The following RYR1 variants were observed in gnomAD, a reference collection of about 807,000 sequenced individuals.
The protein encoded by RYR1 is central core disease of muscle.
A neutral mutation model predicts 583.5 loss-of-function variants in RYR1; 342 were observed. The ratio of observed to expected loss-of-function variants is 0.59; its 90% CI spans 0.54 to 0.64. The LOEUF is 0.64. Ranked by LOEUF, RYR1 falls within the 30% of genes least tolerant of loss-of-function variation. The pLI is 0.00. For missense variants in RYR1, 6,032 were observed against 6,917.2 expected (o/e 0.87, Z 4.54); for synonymous variants, 2,791 against 2,822.5 (o/e 0.99, Z 0.35).
At position 38,502,861 on chromosome 19, in the gene RYR1, C is replaced by G. The variant is rs201378267; in HGVS notation, c.7836-19C>G. ...CGGGCCTGGACGGGGGATTCTACATCTTGTGCATTGTCCCGCAGGTACATC... is the reference window on the plus strand; with the variant it reads ...CGGGCCTGGACGGGGGATTCTACATGTTGTGCATTGTCCCGCAGGTACATC... On this transcript the variant is annotated intron_variant, in intron 48 of 105. Coordinates refer to ENST00000359596, the MANE Select transcript of RYR1 (RefSeq NM_000540.3). 3 of 1,607,524 alleles carry G rather than the reference C, an allele frequency of 1.9e-6. No homozygotes were observed. The highest frequency in any genetic ancestry group is 1.7e-5 in the Admixed American group (1 of 59,872).
In RYR1 at chr19:38,457,528, G is replaced by C. The variant is rs772590190; in HGVS notation, c.1823G>C (p.Cys608Ser). The change falls in exon 17 of 106, where the codon TGT becomes TCT. Residue 608 changes from cysteine to serine, a missense_variant. By Grantham distance (112) the Cys-to-Ser change is moderately radical. Transcript: ENST00000359596. ...VLDVLCSLCVCNGVAVRSNQD... is the reference protein window; with the variant it reads ...VLDVLCSLCVSNGVAVRSNQD... ...GACGTGCTATGCTCCCTGTGTGTGT[G>C]TAATGGTGTGGCTGTACGCTCCAAC... is the stretch of plus-strand genomic sequence containing the variant. 1.4e-5 allele frequency: 23 copies of C among 1,614,092 alleles called. No individual in the cohort carries two copies. In the South Asian group the frequency reaches 2.5e-4, roughly 18 times the overall value.
Position 38,440,747 on chromosome 19 carries a change from C to T in RYR1, c.48C>T (p.Asp16=), listed in dbSNP as rs750329137. 1.0e-5 allele frequency: 16 copies of T among 1,606,842 alleles called. No homozygotes were observed. Among genetic ancestry groups the T allele is most frequent in the Non-Finnish European group, 1.1e-5 (13 of 1,176,712 alleles). The part of the protein sequence containing the change: ...GEDEVQFLRT[D]DEVVLQCSAT... The stretch of plus-strand genomic sequence containing the variant: ...GACGCTGCCCCTCGGTTCCGCAGGA[C>T]GATGAGGTGGTCCTGCAGTGCAGCG... Residue 16 remains aspartate, a splice_region_variant and synonymous_variant, in exon 2 of 106, where the codon GAC becomes GAT. Coordinates refer to ENST00000359596, the MANE Select transcript of RYR1 (RefSeq NM_000540.3).
intron 25 of RYR1, among the ~76,000 whole-genome samples, chr19:38,468,044 TCCATCATCCATCCATCCATC>T (rs781621078): frequency 5.0e-5 from 7 of 139,836 alleles, no homozygotes; most frequent in African/African-American, 8.1e-5. Flanking sequence ...CATCCATCCA[TCCATCATCCATCCATCCATC>T]CATCCATCCA....
chr19:38,581,361 G>T (rs1974200486), intron 101 of RYR1, among the ~76,000 whole-genome samples: 1 of 152,138 alleles, frequency 6.6e-6, no homozygotes, highest in Non-Finnish European at 1.5e-5. Flanking sequence ...ACAGGCATGA[G>T]CCACTGCGCC....
intron 87 of RYR1, among the ~76,000 whole-genome samples, chr19:38,544,437 C>T (rs1972339191): frequency 6.6e-6 from 1 of 152,200 alleles, no homozygotes; most frequent in Admixed American, 6.5e-5. Context: ...TGTCTGGTAA[C>T]TATATTCAAG....
intron 33 of RYR1, among the ~76,000 whole-genome samples, chr19:38,484,489 T>A (rs1969183532): frequency 7.1e-6 from 1 of 141,486 alleles, no homozygotes; most frequent in Admixed American, 7.0e-5. Context: ...TATTCATTCA[T>A]CCATTCAACA....
rs773883038 is a variant in RYR1 at position 38,530,987 on chromosome 19, C to CTCTTT, written c.11142-1502_11142-1501insCTTTT. The stretch of plus-strand genomic sequence containing the variant: ...CCAGCTATTTTTCTTTTTTCTTTCT[C>CTCTTT]TTTTTTTTTTTTTTTTTTGTATTTT... On this transcript the variant is annotated intron_variant, in intron 76 of 105. Coordinates refer to ENST00000359596, the MANE Select transcript of RYR1 (RefSeq NM_000540.3). 8.5e-5 allele frequency among the ~76,000 whole-genome samples: 11 copies of CTCTTT among 129,368 alleles called. No homozygotes were observed. The South Asian group carries it at 9.9e-4, about 12-fold the overall frequency. The allele number at this position is 129,368 out of a possible 152,430, so 84.9% of individuals were successfully genotyped here. A position where few individuals can be genotyped will look rare whatever the true frequency, so the allele number is the denominator to read the frequency against.
Position 38,473,569 on chromosome 19 carries a change from G to A in RYR1, c.3958G>A (p.Asp1320Asn), listed in dbSNP as rs1408712596. 3 of 1,599,648 alleles carry A rather than the reference G, an allele frequency of 1.9e-6. No homozygotes were observed. The highest frequency in any genetic ancestry group is 2.3e-5 in the East Asian group (1 of 44,240). Residue 1320 changes from aspartate to asparagine, a missense_variant, in exon 28 of 106, where the codon GAC becomes AAC. Transcript: ENST00000359596. ...APPGLQPPAE[D>N]EARAAEPDPD... ...TCCTGGCCTGCAGCCCCCCGCCGAG[G>A]ACGAGGCCCGGGCGGCGGAACCCGA...
Position 38,505,385 on chromosome 19 carries a change from C to A in RYR1, c.8387C>A (p.Thr2796Asn). The A allele has an allele frequency of 6.2e-7, 1 of 1,609,552 alleles. No homozygotes were observed. Among genetic ancestry groups the A allele is most frequent in the Non-Finnish European group, 8.5e-7 (1 of 1,177,430 alleles). The stretch of plus-strand genomic sequence containing the variant: ...CACCCCATGCTGAGGCCCTACAAGA[C>A]CTTTTCAGAGAAGGTGACCAGGCCT... ...KTHPMLRPYK[T>N]FSEKDKEIYR... Residue 2796 changes from threonine to asparagine, a missense_variant, in exon 53 of 106, where the codon ACC becomes AAC. By Grantham distance (65) the Thr-to-Asn change is moderately conservative (BLOSUM62 0). Transcript: ENST00000359596.
At chr19:38,466,968 G>A (rs985147666) in intron 24 of RYR1, among the ~76,000 whole-genome samples, 12 of 152,104 alleles carry the variant, frequency 7.9e-5, no homozygotes, top group African/African-American at 1.4e-4. Flanking sequence ...AACCAGAGCC[G>A]TCAGCCTAGG....
chr19:38,532,360 T>G, intron 76 of RYR1, 130 bp from the exon 77 acceptor site: 1 of 879,050 alleles, frequency 1.1e-6, no homozygotes, highest in Admixed American at 2.0e-5. Flanking sequence ...TGATCTCAAG[T>G]GATCTGCCTG....
chr19:38,469,249 C>T lies in RYR1; in HGVS notation c.3557-56C>T, dbSNP rs565637649. 12 of 1,607,146 alleles carry T rather than the reference C, an allele frequency of 7.5e-6. No homozygotes were observed. In the South Asian group the frequency reaches 1.3e-4, roughly 18 times the overall value. ...TCCCATCCCTACCTCCTCCCCTCGG[C>T]TCCCTCTGCCCTGCCCACCTGCCCT... On this transcript the variant is annotated intron_variant, in intron 26 of 105. Coordinates refer to ENST00000359596, the MANE Select transcript of RYR1 (RefSeq NM_000540.3).
In RYR1 at chr19:38,502,733, G is replaced by A; in HGVS notation, c.7835+6G>A. On this transcript the variant is annotated splice_donor_region_variant and intron_variant, in intron 48 of 105. Transcript: ENST00000359596. Reference sequence around the variant, plus strand: ...TGCCTCATGTCGCTCTGCAGGTGGAGCGGGGCAGGCTTCAGGGTGGGGCAG... The same window carrying A: ...TGCCTCATGTCGCTCTGCAGGTGGAACGGGGCAGGCTTCAGGGTGGGGCAG... The A allele has an allele frequency of 1.9e-6, 3 of 1,571,146 alleles. No individual in the cohort carries two copies. The highest frequency in any genetic ancestry group is 1.4e-5 in the African/African-American group (1 of 69,952).
chr19:38,550,606 G>A (rs1972623357), intron 89 of RYR1, among the ~76,000 whole-genome samples: 1 of 151,964 alleles, frequency 6.6e-6, no homozygotes, highest in African/African-American at 2.4e-5. Context: ...GACCCCCTGG[G>A]CTCAGGCGAT....
chr19:38,473,364 C>T lies in RYR1; in HGVS notation c.3766-13C>T, dbSNP rs1200456183. ...GCCTGCCCAGCCCAGTACTCCATTC[C>T]CTGCCACCTCAGGTATCCCGAGTGG... On this transcript the variant is annotated splice_polypyrimidine_tract_variant and intron_variant, in intron 27 of 105. Transcript: ENST00000359596. 10 of 1,613,610 alleles carry T rather than the reference C, an allele frequency of 6.2e-6. No individual in the cohort carries two copies. The highest frequency in any genetic ancestry group is 1.3e-5 in the African/African-American group (1 of 74,890).
intron 47 of RYR1, 47 bp downstream of exon 47, chr19:38,501,037 G>A (rs368417105): frequency 2.5e-6 from 4 of 1,596,506 alleles, no homozygotes; most frequent in South Asian, 1.1e-5. Flanking sequence ...TTCCACAGAG[G>A]GACAGGAGAT....
intron 29 of RYR1, among the ~76,000 whole-genome samples, chr19:38,477,507 A>G (rs529508689): frequency 4.2e-4 from 64 of 152,286 alleles, no homozygotes; most frequent in Non-Finnish European, 5.3e-4. Flanking sequence ...CTGTCACACA[A>G]TATTCCCAAG....
At chr19:38,450,626 T>C (rs1967024052) in intron 11 of RYR1, among the ~76,000 whole-genome samples, 1 of 152,090 alleles carries the variant, frequency 6.6e-6, no homozygotes, top group Non-Finnish European at 1.5e-5. Context: ...CTGATTTACC[T>C]AGGGTGCAAA....
Position 38,440,940 on chromosome 19 carries a change from G to A in RYR1, c.165+76G>A, listed in dbSNP as rs986549699. 5.4e-5 allele frequency: 79 copies of A among 1,475,638 alleles called. 1 individual carries two copies. The South Asian group carries it at 8.9e-4, about 17-fold the overall frequency. 91.4% of individuals were successfully genotyped at this position (1,475,638 alleles called of 1,614,324 possible). A position where few individuals can be genotyped will look rare whatever the true frequency, so the allele number is the denominator to read the frequency against. On this transcript the variant is annotated intron_variant, in intron 2 of 105. Coordinates refer to ENST00000359596, the MANE Select transcript of RYR1 (RefSeq NM_000540.3). ...GAGAATCTTGGGTCCAAAGAAGAGG[G>A]TTCTGGGAGTCTGAAAGGAGGTGCT...
Sources: allele counts gnomAD v4.1 joint callset (sites outside exome capture counted in the v4.1 genomes callset), GRCh38; gene constraint gnomAD v4.1.1; transcripts MANE v1.5; gene names NCBI Gene and HGNC (gene_info 2026-07-23, HGNC 2026-07-21).